CLVS1: variants seen among roughly 807,000 people sequenced by gnomAD.
CLVS1 encodes the protein clavesin 1.
A neutral mutation model predicts 33.1 loss-of-function variants in CLVS1; 10 were observed. That is an observed-to-expected ratio of 0.30 (90% CI 0.19 to 0.51). The LOEUF is 0.51. CLVS1 is among the 20% of genes least tolerant of loss of function. The pLI, the probability that CLVS1 is intolerant of heterozygous loss-of-function variation, is 0.97. For synonymous variants in CLVS1, 163 were observed against 166.1 expected (o/e 0.98, Z 0.14); for missense variants, 343 against 433.4 (o/e 0.79, Z 1.85).
chr8:61,287,960 G>A (rs563836023), upstream of CLVS1: 6 of 383,518 alleles, frequency 1.6e-5, no homozygotes, highest in African/African-American at 6.3e-5. Context: ...ACAGAGAATC[G>A]GGCGCACACG....
intron 1 of CLVS1, among the ~76,000 whole-genome samples, chr8:61,066,770 T>C (rs1333157709): frequency 6.6e-6 from 1 of 152,200 alleles, no homozygotes; most frequent in Non-Finnish European, 1.5e-5. Flanking sequence ...AAAATGTCAA[T>C]GACACACAAC....
At chr8:61,460,250 T>C (rs1310519718) in intron 5 of CLVS1, among the ~76,000 whole-genome samples, 1 of 152,208 alleles carries the variant, frequency 6.6e-6, no homozygotes, top group African/African-American at 2.4e-5. Context: ...TATAAACTTA[T>C]ATAGCTCAAG....
At chr8:61,023,739 G>C in the CLVS1 span, among the ~76,000 whole-genome samples, 10 of 152,178 alleles carry the variant, frequency 6.6e-5, no homozygotes, top group Non-Finnish European at 8.8e-5. Flanking sequence ...GCCCCAGGGT[G>C]GGGGAGAGGC....
In CLVS1 at chr8:61,439,458, C is replaced by G. The variant is rs368933394; in HGVS notation, c.631-14683C>G. Among the ~76,000 whole-genome samples the G allele has an allele frequency of 2.0e-5, 3 of 152,256 alleles. No individual in the cohort carries two copies. In the East Asian group the frequency reaches 5.8e-4, roughly 29 times the overall value. On this transcript the variant is annotated intron_variant, in intron 3 of 5. Coordinates refer to ENST00000325897, the MANE Select transcript of CLVS1 (RefSeq NM_173519.3). ...CAGTTCTGCTGATTGAGAATGCAGGCTAGGTGGATTTGCATTTCACTCCTT... is the reference window on the plus strand; with the variant it reads ...CAGTTCTGCTGATTGAGAATGCAGGGTAGGTGGATTTGCATTTCACTCCTT...
intron 1 of CLVS1, among the ~76,000 whole-genome samples, chr8:61,092,720 T>C (rs1805271887): frequency 1.3e-5 from 2 of 152,228 alleles, no homozygotes; most frequent in Non-Finnish European, 2.9e-5. Context: ...TTAAAGACCT[T>C]TGCGATTACC....
chr8:61,156,891 T>C (rs1378158112), intron 2 of CLVS1, among the ~76,000 whole-genome samples: 1 of 152,230 alleles, frequency 6.6e-6, no homozygotes, highest in Admixed American at 6.5e-5. Flanking sequence ...TGATGAAGTT[T>C]CCAAGCAATT....
intron 4 of CLVS1, among the ~76,000 whole-genome samples, chr8:61,456,761 C>CA (rs1375289927): frequency 1.6e-4 from 24 of 151,466 alleles, no homozygotes; most frequent in African/African-American, 5.3e-4. Flanking sequence ...CTAAAAAATA[C>CA]AAAAAAATTA....
chr8:61,115,665 T>G (rs1805707574), intron 1 of CLVS1, among the ~76,000 whole-genome samples: 1 of 151,390 alleles, frequency 6.6e-6, no homozygotes, highest in East Asian at 1.9e-4. Context: ...GAGAATGATG[T>G]TTTCCAATTT....
At chr8:61,359,746 G>A (rs1206872091) in intron 2 of CLVS1, among the ~76,000 whole-genome samples, 1 of 152,210 alleles carries the variant, frequency 6.6e-6, no homozygotes, top group Non-Finnish European at 1.5e-5. Context: ...GGATCTTGAA[G>A]AAGTTATATA....
intron 2 of CLVS1, among the ~76,000 whole-genome samples, chr8:61,281,491 G>A (rs1349653579): frequency 6.6e-6 from 1 of 152,186 alleles, no homozygotes; most frequent in Non-Finnish European, 1.5e-5. Flanking sequence ...TAAGAAGGTA[G>A]CCATCTGCAA....
chr8:61,247,878 G>A (rs1021924483), intron 2 of CLVS1, among the ~76,000 whole-genome samples: 1 of 152,074 alleles, frequency 6.6e-6, no homozygotes, highest in Non-Finnish European at 1.5e-5. Flanking sequence ...TCCAGGATGG[G>A]AGTGCCTAGG....
chr8:61,376,218 G>A (rs1283237138), intron 2 of CLVS1, among the ~76,000 whole-genome samples: 1 of 152,168 alleles, frequency 6.6e-6, no homozygotes, highest in Non-Finnish European at 1.5e-5. Flanking sequence ...TTGTACTGGG[G>A]AAACAACTAT....
chr8:61,302,410 G>A (rs138898679), intron 2 of CLVS1, among the ~76,000 whole-genome samples: 7 of 152,260 alleles, frequency 4.6e-5, no homozygotes, highest in African/African-American at 1.7e-4. Flanking sequence ...TCAACATTCA[G>A]TGAGTATAGA....
At chr8:61,382,184 G>T (rs891600918) in intron 3 of CLVS1, among the ~76,000 whole-genome samples, 8 of 152,186 alleles carry the variant, frequency 5.3e-5, no homozygotes, top group African/African-American at 1.9e-4. Flanking sequence ...GGTAGTTCAT[G>T]AGTATCAATG....
intron 2 of CLVS1, among the ~76,000 whole-genome samples, chr8:61,249,271 T>G (rs191632265): frequency 6.6e-6 from 1 of 152,342 alleles, no homozygotes; most frequent in African/African-American, 2.4e-5. Flanking sequence ...TATGGCCGTA[T>G]AGTATTCCTT....
the CLVS1 span, among the ~76,000 whole-genome samples, chr8:61,049,627 A>G: frequency 6.6e-6 from 1 of 152,346 alleles, no homozygotes; most frequent in East Asian, 1.9e-4. Flanking sequence ...ATTTGCAGTG[A>G]AATTTTAGAT....
At chr8:61,016,222 G>A in the CLVS1 span, among the ~76,000 whole-genome samples, 1 of 152,166 alleles carries the variant, frequency 6.6e-6, no homozygotes, top group South Asian at 2.1e-4. Context: ...ATCTCATTCT[G>A]TATGTGCAAG....
At position 61,112,380 on chromosome 8, in the gene CLVS1, G is replaced by A. The variant is rs527348505; in HGVS notation, c.-242-19390G>A. ...TAAAATTTCATGTATTTCTACTGTA[G>A]ATGAGGCCATTTCTATTGGCCTATC... On this transcript the variant is annotated intron_variant, in intron 1 of 2. Coordinates refer to the CLVS1 transcript ENST00000522621. Among the ~76,000 whole-genome samples, 7 of 152,210 alleles carry A rather than the reference G, an allele frequency of 4.6e-5. No individual in the cohort carries two copies. The South Asian group carries it at 1.2e-3, about 27-fold the overall frequency.
intron 2 of CLVS1, among the ~76,000 whole-genome samples, chr8:61,251,892 G>GT (rs1258847156): frequency 2.0e-5 from 3 of 151,946 alleles, no homozygotes; most frequent in East Asian, 1.9e-4. Flanking sequence ...TTTTTGAAGG[G>GT]TTTTTTTGTG....
Sources: allele counts gnomAD v4.1 joint callset (sites outside exome capture counted in the v4.1 genomes callset), GRCh38; gene constraint gnomAD v4.1.1; transcripts MANE v1.5; gene names NCBI Gene and HGNC (gene_info 2026-07-23, HGNC 2026-07-21).